CARS2: variants seen among roughly 807,000 people sequenced by gnomAD.
The protein encoded by CARS2 is cysteinyl-tRNA synthetase 2, mitochondrial, also known as probable cysteine--tRNA ligase, mitochondrial.
Under a neutral mutation model 68.8 loss-of-function variants are expected in CARS2, and 52 were observed. The observed-to-expected ratio is 0.76, with a 90% CI of 0.61 to 0.95. The LOEUF (loss-of-function observed/expected upper bound fraction) is 0.95, where lower values mean the gene tolerates loss of function less well. CARS2 is among the 40% of genes least tolerant of loss of function. The probability of loss-of-function intolerance (pLI) is 0.00; values close to 1 mark genes in which losing one functional copy is unlikely to be tolerated. For missense variants in CARS2, 780 were observed against 754.2 expected (o/e 1.03, Z -0.40); for synonymous variants, 314 against 303.6 (o/e 1.03, Z -0.36).
intron 3 of CARS2, chr13:110,698,066 A>G (rs1364319102): frequency 6.9e-5 from 30 of 432,100 alleles, no homozygotes; most frequent in South Asian, 4.6e-4. Context: ...CTGACTTCCA[A>G]TCCAAATCTT....
intron 6 of CARS2, among the ~76,000 whole-genome samples, chr13:110,682,637 G>A (rs989874474): frequency 3.9e-5 from 6 of 152,206 alleles, no homozygotes; most frequent in Non-Finnish European, 8.8e-5. Flanking sequence ...GAACAGAATA[G>A]AGCAAGGAAG....
intron 3 of CARS2, among the ~76,000 whole-genome samples, chr13:110,689,256 G>C (rs2063389029): frequency 6.6e-6 from 1 of 152,236 alleles, no homozygotes; most frequent in Admixed American, 6.5e-5. Context: ...TGCTCAAATG[G>C]CCTTTGGGCC....
At chr13:110,646,378 T>G in intron 11 of CARS2, 3 of 253,550 alleles carry the variant, frequency 1.2e-5, no homozygotes, top group Non-Finnish European at 2.2e-5. Context: ...TCAATAGATA[T>G]TGAGGGGAGT....
chr13:110,674,141 T>C (rs1334385266), intron 7 of CARS2, among the ~76,000 whole-genome samples: 2 of 152,106 alleles, frequency 1.3e-5, no homozygotes, highest in African/African-American at 4.8e-5. Context: ...CTGCCCAAGG[T>C]AACTTATAGA....
At chr13:110,650,061 T>C (rs13378477) in intron 10 of CARS2, among the ~76,000 whole-genome samples, 16,306 of 150,140 alleles carry the variant, frequency 0.11, 1,343 homozygotes, top group African/African-American at 0.22. Flanking sequence ...CTCAGCCTCC[T>C]GAGTAGCTGA....
At position 110,642,410 on chromosome 13, in the gene CARS2, C is replaced by T. The variant is rs1195458572; in HGVS notation, c.1528G>A (p.Asp510Asn). The stretch of plus-strand genomic sequence containing the variant: ...TCTAGGAGCTGCTGCCGCCGGGCGT[C>T]CCCCGTGGCCTCGGGCATGGCCAGC... Reference protein sequence around the residue: ...FALAMPEATGDARRQQLLERQ... With the variant: ...FALAMPEATGNARRQQLLERQ... Residue 510 changes from aspartate to asparagine, a missense_variant, in exon 14 of 15, where the codon GAC becomes AAC. Coordinates refer to ENST00000257347, the MANE Select transcript of CARS2 (RefSeq NM_024537.4). The T allele has an allele frequency of 3.1e-6, 5 of 1,589,282 alleles. No homozygotes were observed. Among genetic ancestry groups the T allele is most frequent in the South Asian group, 2.3e-5 (2 of 87,790 alleles).
chr13:110,680,351 C>T (rs903768195), intron 6 of CARS2, among the ~76,000 whole-genome samples: 1 of 152,118 alleles, frequency 6.6e-6, no homozygotes, highest in African/African-American at 2.4e-5. Context: ...CGAGATCATG[C>T]CACTGCACTC....
chr13:110,692,241 G>A (rs1335029207), intron 3 of CARS2, among the ~76,000 whole-genome samples: 1 of 151,574 alleles, frequency 6.6e-6, no homozygotes, highest in Non-Finnish European at 1.5e-5. Context: ...AGGCTGAGGT[G>A]GGTGGATCAC....
At chr13:110,707,633 G>A (rs2063990475), upstream of CARS2, 3 of 134,438 alleles carry the variant, frequency 2.2e-5, no homozygotes, top group Non-Finnish European at 3.3e-5. Context: ...GGCAACAGAG[G>A]GAGACTCCGC....
At position 110,682,011 on chromosome 13, in the gene CARS2, A is replaced by G. The variant is rs148664110; in HGVS notation, c.655+1040T>C. On this transcript the variant is annotated intron_variant, in intron 6 of 14. Coordinates refer to ENST00000257347, the MANE Select transcript of CARS2 (RefSeq NM_024537.4). ...GAATGGTGGAAACATGTCGCTATAC[A>G]TTCACCCAAACCCAGAGCACACAGT... 9.0e-3 allele frequency among the ~76,000 whole-genome samples: 1,364 copies of G among 152,132 alleles called. 19 individuals are homozygous for G. Among genetic ancestry groups the G allele is most frequent in the African/African-American group, 0.031 (1,296 of 41,482 alleles).
At chr13:110,682,015 A>C (rs1244142538) in intron 6 of CARS2, among the ~76,000 whole-genome samples, 4 of 151,958 alleles carry the variant, frequency 2.6e-5, no homozygotes, top group Non-Finnish European at 5.9e-5. Context: ...CTATACATTC[A>C]CCCAAACCCA....
intron 11 of CARS2, 47 bp from the exon 12 acceptor site, chr13:110,646,137 C>A (rs2139679987): frequency 6.3e-7 from 1 of 1,575,742 alleles, no homozygotes; most frequent in Non-Finnish European, 8.6e-7. Flanking sequence ...GCTCCACTCT[C>A]CCCAGGCGGC....
intron 7 of CARS2, among the ~76,000 whole-genome samples, chr13:110,674,751 A>T (rs1165007372): frequency 6.6e-6 from 1 of 152,172 alleles, no homozygotes; most frequent in Non-Finnish European, 1.5e-5. Context: ...CAAAAGAAAC[A>T]ACCATCAGAG....
intron 8 of CARS2, chr13:110,664,924 G>A (rs34191740): frequency 0.036 from 29,714 of 824,812 alleles, 634 homozygotes; most frequent in Non-Finnish European, 0.04. Flanking sequence ...GCAGAACTGT[G>A]AGGAATTCAT....
chr13:110,646,036 T>A lies in CARS2; in HGVS notation c.1248A>T (p.Thr416=). Residue 416 remains threonine (T), a synonymous_variant, in exon 12 of 15, where the codon ACA becomes ACT. Coordinates refer to ENST00000257347, the MANE Select transcript of CARS2 (RefSeq NM_024537.4). ...VKAALADDFD[T]PRVVDAILGL... ...CCAGGATGGCATCAACCACCCTGGG[T>A]GTGTCAAAATCATCTGCCAAGGCCG... 7 of 1,613,690 alleles carry A rather than the reference T, an allele frequency of 4.3e-6. No individual in the cohort carries two copies. The highest frequency in any genetic ancestry group is 5.9e-6 in the Non-Finnish European group (7 of 1,179,878).
chr13:110,666,022 G>C (rs565612677), intron 8 of CARS2: 1 of 985,286 alleles, frequency 1.0e-6, no homozygotes, highest in South Asian at 4.7e-5. Context: ...CTGAGACACA[G>C]TGTCTCAGCC....
intron 6 of CARS2, among the ~76,000 whole-genome samples, chr13:110,678,879 C>T (rs996443555): frequency 1.1e-4 from 17 of 152,226 alleles, no homozygotes; most frequent in African/African-American, 3.9e-4. Context: ...GCAGCGCAGG[C>T]GGAGGCTGGG....
exon 1 of CARS2, chr13:110,713,463 C>T: frequency 2.0e-6 from 2 of 990,124 alleles, no homozygotes; most frequent in Non-Finnish European, 2.4e-6. Flanking sequence ...CCTCGCCCGC[C>T]GTCCACACCC....
upstream of CARS2, among the ~76,000 whole-genome samples, chr13:110,708,264 A>G (rs1056859407): frequency 6.6e-6 from 1 of 152,242 alleles, no homozygotes; most frequent in Non-Finnish European, 1.5e-5. Context: ...GCAGGTGGGA[A>G]GAAATCTGGG....
Sources: gnomAD v4.1 joint callset for allele counts (sites outside exome capture counted in the v4.1 genomes callset) on GRCh38, gnomAD v4.1.1 for gene constraint, MANE v1.5 for transcripts, NCBI Gene and HGNC (gene_info 2026-07-23, HGNC 2026-07-21) for gene names.